Variants in INSR observed in about 807,000 individuals in gnomAD.
INSR encodes insulin receptor.
INSR carries 67 observed loss-of-function variants against 142.6 expected under a neutral mutation model. The ratio of observed to expected loss-of-function variants is 0.47; its 90% CI spans 0.39 to 0.58. The LOEUF is 0.58. INSR is among the 20% of genes least tolerant of loss of function. The pLI, the probability that INSR is intolerant of heterozygous loss-of-function variation, is 0.00. For missense variants in INSR, 1,248 were observed against 1,833.2 expected (o/e 0.68, Z 5.83); for synonymous variants, 756 against 743.1 (o/e 1.02, Z -0.28).
chr19:7,290,563 A>G (rs1600137675), intron 1 of INSR, among the ~76,000 whole-genome samples: 1 of 152,200 alleles, frequency 6.6e-6, no homozygotes, highest in Non-Finnish European at 1.5e-5. Flanking sequence ...ACTTGAGGTC[A>G]GAAGTTTGAG....
chr19:7,293,660 C>T, intron 1 of INSR, 132 bp downstream of exon 1: 1 of 719,044 alleles, frequency 1.4e-6, no homozygotes, highest in Non-Finnish European at 1.9e-6. Flanking sequence ...GATGCAGGAG[C>T]TACCGTCCTG....
chr19:7,171,945 T>C (rs1412572663), intron 5 of INSR, among the ~76,000 whole-genome samples: 1 of 146,242 alleles, frequency 6.8e-6, no homozygotes, highest in Non-Finnish European at 1.5e-5. Flanking sequence ...AGAGTCTCAC[T>C]CTGTCACCCA....
intron 9 of INSR, among the ~76,000 whole-genome samples, chr19:7,162,633 C>G (rs939256854): frequency 3.3e-5 from 5 of 151,634 alleles, no homozygotes; most frequent in African/African-American, 1.2e-4. Flanking sequence ...CCAGGCTGAC[C>G]AACATGGAGA....
intron 4 of INSR, among the ~76,000 whole-genome samples, 185 bp from the exon 5 acceptor site, chr19:7,172,619 C>T (rs1050840686): frequency 6.6e-6 from 1 of 152,132 alleles, no homozygotes; most frequent in Non-Finnish European, 1.5e-5. Flanking sequence ...CATACTTCTG[C>T]CCCAGGACCT....
intron 3 of INSR, among the ~76,000 whole-genome samples, chr19:7,180,529 C>CAAAAAAAAAAAAAAAAAAAAA (rs57184012): frequency 1.1e-5 from 1 of 91,906 alleles, no homozygotes; most frequent in Non-Finnish European, 2.1e-5. Flanking sequence ...GACCTTGTCT[C>CAAAAAAAAAAAAAAAAAAAAA]AAAAAAAAAA....
At chr19:7,170,793 C>A in intron 5 of INSR, 42 bp from the exon 6 acceptor site, 1 of 1,456,422 alleles carries the variant, frequency 6.9e-7, no homozygotes, top group South Asian at 1.1e-5. Context: ...AACGGCTGGT[C>A]TTCTACAACT....
chr19:7,231,590 G>A (rs1044450547), intron 2 of INSR, among the ~76,000 whole-genome samples: 7 of 151,322 alleles, frequency 4.6e-5, no homozygotes, highest in South Asian at 2.1e-4. Context: ...CATGAGCCAC[G>A]GCACCCGGCC....
chr19:7,189,378 G>A (rs768440350), intron 2 of INSR, among the ~76,000 whole-genome samples: 21 of 152,218 alleles, frequency 1.4e-4, no homozygotes, highest in Non-Finnish European at 2.5e-4. Context: ...ATCCTGTGTT[G>A]GAGCCCTAGC....
intron 11 of INSR, among the ~76,000 whole-genome samples, chr19:7,143,812 T>C (rs545926378): frequency 4.6e-4 from 70 of 152,228 alleles, no homozygotes; most frequent in African/African-American, 1.7e-3. Context: ...CCCAGTACTT[T>C]GGGAGGCCAA....
Position 7,122,855 on chromosome 19 carries a change from G to A in INSR, c.3369+24C>T, listed in dbSNP as rs373852253. 2.3e-5 allele frequency: 37 copies of A among 1,609,590 alleles called. No individual in the cohort carries two copies. In the African/African-American group the frequency reaches 2.4e-4, roughly 10 times the overall value. Reference sequence around the variant, plus strand: ...GAGCGGGTGCTCCACCGAGTACCCCGCTGGGTCCCCCGAAGCAGCTTACCT... The same window carrying A: ...GAGCGGGTGCTCCACCGAGTACCCCACTGGGTCCCCCGAAGCAGCTTACCT... On this transcript the variant is annotated intron_variant, in intron 18 of 21. Transcript: ENST00000302850.
chr19:7,235,584 T>C (rs1303323602), intron 2 of INSR, among the ~76,000 whole-genome samples: 2 of 105,344 alleles, frequency 1.9e-5, no homozygotes, highest in African/African-American at 9.4e-5. Context: ...GCGCTGCAGC[T>C]CTCGCCTGTA....
intron 2 of INSR, among the ~76,000 whole-genome samples, chr19:7,222,090 T>C (rs1975639362): frequency 1.4e-5 from 2 of 138,212 alleles, no homozygotes; most frequent in Non-Finnish European, 3.0e-5. Context: ...CTGGGGTGGG[T>C]TGAAAGCTAG....
chr19:7,236,102 T>C (rs1252854694), intron 2 of INSR, among the ~76,000 whole-genome samples: 1 of 151,692 alleles, frequency 6.6e-6, no homozygotes, highest in African/African-American at 2.4e-5. Context: ...GCTTGGATTA[T>C]AGGTGCCCAC....
intron 2 of INSR, among the ~76,000 whole-genome samples, chr19:7,239,526 A>C (rs1208523019): frequency 1.3e-5 from 2 of 152,130 alleles, no homozygotes; most frequent in Non-Finnish European, 2.9e-5. Context: ...CACCTTGGAG[A>C]CCATTCGGGG....
At chr19:7,187,675 T>A (rs1424462406) in intron 2 of INSR, among the ~76,000 whole-genome samples, 2 of 152,018 alleles carry the variant, frequency 1.3e-5, no homozygotes, top group Non-Finnish European at 2.9e-5. Flanking sequence ...TGGGCTCAGG[T>A]GATCCTCCCA....
At chr19:7,195,948 T>G (rs1309045481) in intron 2 of INSR, among the ~76,000 whole-genome samples, 1 of 134,114 alleles carries the variant, frequency 7.5e-6, no homozygotes, top group Non-Finnish European at 1.6e-5. Context: ...TTTTTTTTTT[T>G]GTTTGAGACG....
At chr19:7,272,804 A>T (rs938344894) in intron 1 of INSR, among the ~76,000 whole-genome samples, 1 of 152,016 alleles carries the variant, frequency 6.6e-6, no homozygotes, top group Non-Finnish European at 1.5e-5. Context: ...ATGCTCTCAA[A>T]CTCCTGAACT....
At chr19:7,272,674 AC>A (rs1453071690) in intron 1 of INSR, among the ~76,000 whole-genome samples, 1 of 152,084 alleles carries the variant, frequency 6.6e-6, no homozygotes, top group Non-Finnish European at 1.5e-5. Flanking sequence ...AAACAAACAA[AC>A]AAACAAAAAC....
chr19:7,184,916 T>C (rs1008121561), intron 2 of INSR, among the ~76,000 whole-genome samples: 4 of 152,184 alleles, frequency 2.6e-5, no homozygotes, highest in African/African-American at 4.8e-5. Flanking sequence ...CAGATTTATA[T>C]AGCATTTGCC....
Sources: gnomAD v4.1 joint callset for allele counts (sites outside exome capture counted in the v4.1 genomes callset) on GRCh38, gnomAD v4.1.1 for gene constraint, MANE v1.5 for transcripts, NCBI Gene and HGNC (gene_info 2026-07-23, HGNC 2026-07-21) for gene names.